ZNF160: variants seen among roughly 807,000 people sequenced by gnomAD.
The protein encoded by ZNF160 is KRAB zinc finger protein KR18.
In ZNF160, 9 loss-of-function variants were observed where a neutral mutation model predicts 13.1. The ratio of observed to expected loss-of-function variants is 0.69; its 90% CI spans 0.41 to 1.20. ZNF160 has a LOEUF of 1.20. Among genes scored for constraint, ZNF160 ranks in the 50% most tolerant of loss-of-function variants. ZNF160 has a pLI of 0.01. For missense variants in ZNF160, 838 were observed against 988.0 expected (o/e 0.85, Z 2.04); for synonymous variants, 293 against 333.2 (o/e 0.88, Z 1.31).
intron 3 of ZNF160, among the ~76,000 whole-genome samples, chr19:53,084,195 C>T (rs2145777325): frequency 6.6e-6 from 1 of 152,324 alleles, no homozygotes; most frequent in African/African-American, 2.4e-5. Flanking sequence ...CCCACGAAGG[C>T]ACCAGTGGCT....
chr19:53,074,966 A>G, intron 4 of ZNF160, 91 bp downstream of exon 4: 3 of 1,565,470 alleles, frequency 1.9e-6, no homozygotes, highest in Non-Finnish European at 2.6e-6. Flanking sequence ...AATCTCAGTC[A>G]AGCAATGCAG....
chr19:53,067,945 A>T lies in ZNF160; in HGVS notation c.*132T>A, dbSNP rs1446166351. The T allele has an allele frequency of 2.1e-5, 27 of 1,275,428 alleles. No individual in the cohort carries two copies. Among genetic ancestry groups the T allele is most frequent in the Non-Finnish European group, 2.9e-5 (27 of 928,382 alleles). 79.0% of individuals were successfully genotyped at this position (1,275,428 alleles called of 1,614,324 possible). A position where few individuals can be genotyped will look rare whatever the true frequency, so the allele number is the denominator to read the frequency against. On this transcript the variant is annotated 3_prime_UTR_variant, in exon 6 of 6. Transcript: ENST00000683776. ...TATGTTTACATGATGTCTCTTGCTTATGGCCTCTCATATCTATTAATGCTT... is the reference window on the plus strand; with the variant it reads ...TATGTTTACATGATGTCTCTTGCTTTTGGCCTCTCATATCTATTAATGCTT...
chr19:53,087,279 GA>G (rs1555768190), intron 2 of ZNF160, among the ~76,000 whole-genome samples: 1 of 152,224 alleles, frequency 6.6e-6, no homozygotes, highest in Non-Finnish European at 1.5e-5. Context: ...TGAGGGTGCA[GA>G]TCACGCAGGG....
intron 2 of ZNF160, among the ~76,000 whole-genome samples, chr19:53,086,874 G>A (rs546757207): frequency 2.0e-5 from 3 of 152,330 alleles, no homozygotes; most frequent in African/African-American, 7.2e-5. Flanking sequence ...CTGAGGGGGT[G>A]AGCCCAGCAC....
intron 2 of ZNF160, among the ~76,000 whole-genome samples, chr19:53,088,861 A>T (rs2084937140): frequency 6.6e-6 from 1 of 152,140 alleles, no homozygotes. Context: ...TACAAAACAG[A>T]ATCAGACACC....
At chr19:53,078,045 G>T (rs562444051) in intron 3 of ZNF160, among the ~76,000 whole-genome samples, 12 of 152,120 alleles carry the variant, frequency 7.9e-5, no homozygotes, top group Admixed American at 2.0e-4. Flanking sequence ...TTCGAGACCA[G>T]CCTGGCCAAC....
intron 1 of ZNF160, among the ~76,000 whole-genome samples, chr19:53,101,141 G>A (rs1447523585): frequency 4.6e-5 from 7 of 152,014 alleles, no homozygotes; most frequent in African/African-American, 1.7e-4. Context: ...TTAGCCAGGC[G>A]TGGTGGCACA....
At chr19:53,075,615 T>C (rs890495148) in intron 3 of ZNF160, 26 of 383,594 alleles carry the variant, frequency 6.8e-5, no homozygotes, top group Non-Finnish European at 1.1e-4. Context: ...CCATGAAAAC[T>C]CAAAAAAGAC....
intron 3 of ZNF160, among the ~76,000 whole-genome samples, chr19:53,076,698 A>G (rs1326878216): frequency 1.3e-5 from 2 of 152,194 alleles, no homozygotes; most frequent in African/African-American, 4.8e-5. Flanking sequence ...AGGAAGTCCC[A>G]AGCACTACCC....
At chr19:53,099,056 A>G (rs2085345979) in intron 1 of ZNF160, among the ~76,000 whole-genome samples, 1 of 141,296 alleles carries the variant, frequency 7.1e-6, no homozygotes, top group Admixed American at 6.9e-5. Context: ...CTGAACCACA[A>G]CCCCAGAGCA....
rs2083993801 is a variant in ZNF160, at chr19:53,067,123, T to C, written c.*954A>G. 6.6e-6 allele frequency: 1 copy of C among 152,198 alleles called. No individual in the cohort carries two copies. 9.4% of individuals were successfully genotyped at this position (152,198 alleles called of 1,614,324 possible). On this transcript the variant is annotated 3_prime_UTR_variant, in exon 6 of 6. Coordinates refer to ENST00000683776, the MANE Select transcript of ZNF160 (RefSeq NM_001322131.2). ...AACAAGATCAATTTTTCATCACTCTTTGCTAAACAACAGGTATTGCTCTTT... is the reference window on the plus strand; with the variant it reads ...AACAAGATCAATTTTTCATCACTCTCTGCTAAACAACAGGTATTGCTCTTT...
chr19:53,101,017 GC>G (rs2085428643), intron 1 of ZNF160, among the ~76,000 whole-genome samples: 1 of 152,006 alleles, frequency 6.6e-6, no homozygotes, highest in Non-Finnish European at 1.5e-5. Flanking sequence ...GGTGGCTCAC[GC>G]CTGTAATCCC....
At chr19:53,096,042 C>A (rs139841577) in intron 1 of ZNF160, among the ~76,000 whole-genome samples, 8 of 152,198 alleles carry the variant, frequency 5.3e-5, no homozygotes, top group East Asian at 1.9e-4. Context: ...CATGGTAAAA[C>A]CCTGTCTCTA....
intron 2 of ZNF160, among the ~76,000 whole-genome samples, chr19:53,087,644 G>A (rs1281179079): frequency 2.0e-5 from 3 of 152,240 alleles, no homozygotes; most frequent in South Asian, 2.1e-4. Flanking sequence ...TCCGCCTCCT[G>A]GGTTCAAGCG....
intron 5 of ZNF160, among the ~76,000 whole-genome samples, chr19:53,072,679 C>T (rs570003168): frequency 1.7e-4 from 26 of 152,034 alleles, no homozygotes; most frequent in African/African-American, 6.3e-4. Context: ...TGGAGAAACC[C>T]GATCTCTACT....
intron 1 of ZNF160, among the ~76,000 whole-genome samples, chr19:53,100,961 C>T (rs1309535997): frequency 6.7e-6 from 1 of 150,076 alleles, no homozygotes; most frequent in Non-Finnish European, 1.5e-5. Context: ...ACAGCCTGGG[C>T]ATCAGAGTAC....
chr19:53,093,784 A>C (rs552162404), intron 1 of ZNF160: 1 of 152,368 alleles, frequency 6.6e-6, no homozygotes, highest in Non-Finnish European at 1.5e-5. Flanking sequence ...TCAAAAAACA[A>C]AAAACAGAAG....
intron 1 of ZNF160, among the ~76,000 whole-genome samples, chr19:53,093,074 T>C (rs925534721): frequency 1.3e-5 from 2 of 152,238 alleles, no homozygotes; most frequent in African/African-American, 4.8e-5. Context: ...CCATTTTGTA[T>C]ATGCAGAGTT....
At chr19:53,076,291 T>A (rs16984370) in intron 3 of ZNF160, among the ~76,000 whole-genome samples, 2,198 of 152,354 alleles carry the variant, frequency 0.014, 49 homozygotes, top group African/African-American at 0.048. Context: ...ATGTTTGACA[T>A]ACTGAGTGAT....
Sources: gnomAD v4.1 joint callset for allele counts (sites outside exome capture counted in the v4.1 genomes callset) on GRCh38, gnomAD v4.1.1 for gene constraint, MANE v1.5 for transcripts, NCBI Gene and HGNC (gene_info 2026-07-23, HGNC 2026-07-21) for gene names.